PPP2R2B: variants seen among roughly 807,000 people sequenced by gnomAD.
PPP2R2B encodes serine/threonine-protein phosphatase 2A 55 kDa regulatory subunit B beta isoform.
A neutral mutation model predicts 46.0 loss-of-function variants in PPP2R2B; 5 were observed. That is an observed-to-expected ratio of 0.11 (90% CI 0.06 to 0.23). PPP2R2B has a LOEUF of 0.23. Among genes scored for constraint, PPP2R2B ranks in the 10% least tolerant of loss-of-function variants. The pLI is 1.00. For missense variants in PPP2R2B, 367 were observed against 575.0 expected (o/e 0.64, Z 3.70); for synonymous variants, 215 against 206.7 (o/e 1.04, Z -0.34).
At chr5:146,632,336 C>A (rs1223104462) in intron 7 of PPP2R2B, among the ~76,000 whole-genome samples, 1 of 152,184 alleles carries the variant, frequency 6.6e-6, no homozygotes, top group African/African-American at 2.4e-5. Flanking sequence ...AAGAAACCAA[C>A]CCTGCCAACA....
At chr5:146,617,472 CATAA>C (rs913556943) in intron 7 of PPP2R2B, among the ~76,000 whole-genome samples, 1 of 152,078 alleles carries the variant, frequency 6.6e-6, no homozygotes, top group African/African-American at 2.4e-5. Context: ...TCATGTACCT[CATAA>C]ATATATACAC....
intron 2 of PPP2R2B, among the ~76,000 whole-genome samples, chr5:147,069,785 GTTTTTTTTTTT>G (rs540998224): frequency 3.1e-5 from 2 of 64,790 alleles, no homozygotes; most frequent in Admixed American, 2.5e-4. Context: ...ATTTTATACT[GTTTTTTTTTTT>G]TTTTTTTTTT....
chr5:146,915,871 C>A (rs962241647), intron 1 of PPP2R2B, among the ~76,000 whole-genome samples: 1 of 152,190 alleles, frequency 6.6e-6, no homozygotes, highest in African/African-American at 2.4e-5. Context: ...GTTACAACAT[C>A]TTTGTCTTCT....
At chr5:146,946,599 G>A (rs1183477932) in intron 1 of PPP2R2B, among the ~76,000 whole-genome samples, 6 of 152,058 alleles carry the variant, frequency 3.9e-5, no homozygotes, top group Non-Finnish European at 5.9e-5. Context: ...CTGTTAGGCC[G>A]AAAGATTACA....
chr5:146,706,818 A>T, intron 2 of PPP2R2B: 2 of 921,624 alleles, frequency 2.2e-6, no homozygotes, highest in South Asian at 2.6e-5. Flanking sequence ...ATCTCCTCGT[A>T]CTGTACCTTG....
intron 7 of PPP2R2B, among the ~76,000 whole-genome samples, chr5:146,603,007 G>A (rs1205760413): frequency 6.6e-6 from 1 of 152,108 alleles, no homozygotes; most frequent in Non-Finnish European, 1.5e-5. Flanking sequence ...AAAGTGGATG[G>A]GCTTAGTAAA....
intron 7 of PPP2R2B, among the ~76,000 whole-genome samples, chr5:146,627,871 G>A (rs886253725): frequency 2.0e-5 from 3 of 152,036 alleles, no homozygotes; most frequent in African/African-American, 7.2e-5. Context: ...TGTTGGACTG[G>A]GCATCAAACT....
intron 1 of PPP2R2B, among the ~76,000 whole-genome samples, chr5:147,028,866 A>T (rs781432788): frequency 6.6e-6 from 1 of 152,182 alleles, no homozygotes; most frequent in African/African-American, 2.4e-5. Flanking sequence ...AATTCTAGCC[A>T]TTCTGATCAG....
chr5:146,883,358 C>A (rs898001175), upstream of PPP2R2B, among the ~76,000 whole-genome samples: 1 of 152,122 alleles, frequency 6.6e-6, no homozygotes, highest in Non-Finnish European at 1.5e-5. Context: ...CATGAGATCT[C>A]CCACTTGCAG....
At chr5:146,719,996 C>G (rs1581948226) in intron 2 of PPP2R2B, among the ~76,000 whole-genome samples, 1 of 152,054 alleles carries the variant, frequency 6.6e-6, no homozygotes, top group Admixed American at 6.5e-5. Context: ...TAGTGTACCC[C>G]CAGCCTTAGT....
intron 5 of PPP2R2B, among the ~76,000 whole-genome samples, chr5:146,653,259 T>C (rs1776098833): frequency 6.6e-6 from 1 of 152,180 alleles, no homozygotes; most frequent in Admixed American, 6.5e-5. Flanking sequence ...AGGGTAGGTA[T>C]GATAAATGCT....
At chr5:147,075,894 A>G (rs1189285961) in intron 2 of PPP2R2B, among the ~76,000 whole-genome samples, 2 of 152,186 alleles carry the variant, frequency 1.3e-5, no homozygotes, top group African/African-American at 2.4e-5. Flanking sequence ...ATATAATCAC[A>G]GTAGCTAATC....
chr5:146,582,300 G>C lies in PPP2R2B; in HGVS notation c.*7647C>G, dbSNP rs1489037221. On this transcript the variant is annotated 3_prime_UTR_variant, in exon 10 of 10. Transcript: ENST00000394411. ...GGGAATATTTAGTGCTGCAGCCTGGGTGTGGGGGCAATATCTTGGATGTGA... is the reference window on the plus strand; with the variant it reads ...GGGAATATTTAGTGCTGCAGCCTGGCTGTGGGGGCAATATCTTGGATGTGA... 6.6e-6 allele frequency: 1 copy of C among 152,196 alleles called. No individual in the cohort carries two copies. The highest frequency in any genetic ancestry group is 2.4e-5 in the African/African-American group (1 of 41,432). The allele number at this position is 152,196 out of a possible 1,614,324, so 9.4% of individuals were successfully genotyped here. A position where few individuals can be genotyped will look rare whatever the true frequency, so the allele number is the denominator to read the frequency against.
intron 1 of PPP2R2B, among the ~76,000 whole-genome samples, chr5:146,890,785 A>T (rs1229587149): frequency 1.3e-5 from 2 of 152,170 alleles, no homozygotes; most frequent in Non-Finnish European, 2.9e-5. Context: ...AAGTTTATAA[A>T]TTTACAATTG....
intron 2 of PPP2R2B, among the ~76,000 whole-genome samples, chr5:146,730,429 G>A (rs1752156200): frequency 6.6e-6 from 1 of 152,124 alleles, no homozygotes; most frequent in Non-Finnish European, 1.5e-5. Context: ...TACTGGGGAG[G>A]CATGATTAGT....
At chr5:147,003,773 G>T (rs1754299062) in intron 1 of PPP2R2B, among the ~76,000 whole-genome samples, 1 of 152,102 alleles carries the variant, frequency 6.6e-6, no homozygotes, top group South Asian at 2.1e-4. Flanking sequence ...AAAAGCCCAT[G>T]AATTATTCAA....
At chr5:146,993,097 C>T (rs919292573) in intron 1 of PPP2R2B, among the ~76,000 whole-genome samples, 1 of 151,664 alleles carries the variant, frequency 6.6e-6, no homozygotes, top group Non-Finnish European at 1.5e-5. Context: ...TGTGCACCAC[C>T]ATGCCCAGCT....
In PPP2R2B at chr5:146,581,604, G is replaced by A. The variant is rs1769898015; in HGVS notation, c.*8343C>T. The A allele has an allele frequency of 6.6e-6, 1 of 152,078 alleles. No homozygotes were observed. The highest frequency in any genetic ancestry group is 2.1e-4 in the South Asian group (1 of 4,816). The allele number at this position is 152,078 out of a possible 1,614,324, so 9.4% of individuals were successfully genotyped here. A position where few individuals can be genotyped will look rare whatever the true frequency, so the allele number is the denominator to read the frequency against. ...TTCTTCTCGTCAGGGAGGAAATGAG[G>A]GGTTTAAATAAATGCACCATTGACC... is the stretch of plus-strand genomic sequence containing the variant. On this transcript the variant is annotated 3_prime_UTR_variant, in exon 10 of 10. Transcript: ENST00000394411.
intron 1 of PPP2R2B, among the ~76,000 whole-genome samples, chr5:146,909,670 G>A (rs1221626095): frequency 6.6e-6 from 1 of 152,210 alleles, no homozygotes; most frequent in Non-Finnish European, 1.5e-5. Flanking sequence ...CTGCCACTGT[G>A]TTGCAAGCCC....
Sources: allele counts gnomAD v4.1 joint callset (sites outside exome capture counted in the v4.1 genomes callset), GRCh38; gene constraint gnomAD v4.1.1; transcripts MANE v1.5; gene names NCBI Gene and HGNC (gene_info 2026-07-23, HGNC 2026-07-21).